The following MEI4 variants were observed in gnomAD, a reference collection of about 807,000 sequenced individuals.
MEI4 encodes meiosis-specific protein MEI4.
MEI4 carries 27 observed loss-of-function variants against 31.4 expected under a neutral mutation model. The observed-to-expected ratio is 0.86, with a 90% CI of 0.63 to 1.19. The LOEUF is 1.19. Among genes scored for constraint, MEI4 ranks in the 50% most tolerant of loss-of-function variants. The pLI, the probability that MEI4 is intolerant of heterozygous loss-of-function variation, is 0.00. For missense variants in MEI4, 329 were observed against 398.9 expected (o/e 0.82, Z 1.49); for synonymous variants, 122 against 145.4 (o/e 0.84, Z 1.16).
At chr6:77,800,291 CTGTT>C (rs1376864110) in intron 3 of MEI4, among the ~76,000 whole-genome samples, 3 of 152,006 alleles carry the variant, frequency 2.0e-5, no homozygotes, top group South Asian at 2.1e-4. Flanking sequence ...ATTCGGCTCT[CTGTT>C]TGTCTGTTCT....
At chr6:77,728,606 G>C (rs188424112) in intron 2 of MEI4, among the ~76,000 whole-genome samples, 1 of 152,318 alleles carries the variant, frequency 6.6e-6, no homozygotes, top group Admixed American at 6.5e-5. Context: ...TGAAGTGATG[G>C]AGTACCTGGA....
chr6:77,863,469 A>T (rs1770928113), intron 4 of MEI4, among the ~76,000 whole-genome samples: 1 of 152,112 alleles, frequency 6.6e-6, no homozygotes, highest in Admixed American at 6.5e-5. Flanking sequence ...GATCAACTGG[A>T]AGAAAGGGTA....
At chr6:77,692,563 A>T (rs1769177342) in intron 2 of MEI4, among the ~76,000 whole-genome samples, 1 of 152,062 alleles carries the variant, frequency 6.6e-6, no homozygotes. Flanking sequence ...GTTGAATTAG[A>T]TCTGTGATAG....
chr6:77,819,331 T>A (rs1769761518), intron 3 of MEI4, among the ~76,000 whole-genome samples: 1 of 152,172 alleles, frequency 6.6e-6, no homozygotes, highest in African/African-American at 2.4e-5. Flanking sequence ...TTTTTCTGAA[T>A]GATTTTTTTC....
chr6:77,712,481 A>G (rs1395461895), intron 2 of MEI4, among the ~76,000 whole-genome samples: 2 of 152,192 alleles, frequency 1.3e-5, no homozygotes, highest in African/African-American at 4.8e-5. Flanking sequence ...CACGTCTTGG[A>G]AATAAATAGA....
chr6:77,662,181 C>T (rs149844529), intron 1 of MEI4, among the ~76,000 whole-genome samples: 11 of 152,114 alleles, frequency 7.2e-5, no homozygotes, highest in East Asian at 5.8e-4. Context: ...GCAACTAGTT[C>T]GGCTTGCTGA....
intron 1 of MEI4, among the ~76,000 whole-genome samples, chr6:77,671,266 G>T (rs1220541543): frequency 3.3e-5 from 5 of 151,884 alleles, no homozygotes; most frequent in African/African-American, 1.2e-4. Context: ...CACCATGTTG[G>T]CCAGGCTGGT....
chr6:77,704,540 A>C (rs79509505), intron 2 of MEI4, among the ~76,000 whole-genome samples: 1,803 of 152,302 alleles, frequency 0.012, 41 homozygotes, highest in African/African-American at 0.041. Context: ...AAGCTGCATG[A>C]GCATCAGGTG....
At chr6:77,677,059 A>G (rs926785235) in intron 1 of MEI4, among the ~76,000 whole-genome samples, 2 of 152,214 alleles carry the variant, frequency 1.3e-5, no homozygotes, top group African/African-American at 4.8e-5. Flanking sequence ...ATGTGGGCTT[A>G]TGGTTAAGAT....
At chr6:77,697,585 G>T (rs1414845759) in intron 2 of MEI4, among the ~76,000 whole-genome samples, 1 of 152,214 alleles carries the variant, frequency 6.6e-6, no homozygotes, top group Non-Finnish European at 1.5e-5. Flanking sequence ...TTTTGAGTGA[G>T]TTTCTTAATC....
intron 3 of MEI4, among the ~76,000 whole-genome samples, chr6:77,804,276 G>C (rs1487586798): frequency 2.6e-5 from 4 of 152,194 alleles, no homozygotes; most frequent in Non-Finnish European, 4.4e-5. Context: ...TAATCTCCTG[G>C]TGTGCCATTT....
At chr6:77,680,097 C>T (rs1273946061) in intron 1 of MEI4, among the ~76,000 whole-genome samples, 1 of 40,078 alleles carries the variant, frequency 2.5e-5, no homozygotes, top group Non-Finnish European at 5.1e-5. Flanking sequence ...CGGTGAAACC[C>T]CGTCCCTACT....
intron 1 of MEI4, among the ~76,000 whole-genome samples, chr6:77,674,874 A>G (rs1319481608): frequency 6.6e-6 from 1 of 152,166 alleles, no homozygotes; most frequent in Non-Finnish European, 1.5e-5. Context: ...CTTTGTCTAC[A>G]TATGGATATG....
intron 2 of MEI4, among the ~76,000 whole-genome samples, chr6:77,744,276 G>A (rs1285008964): frequency 2.0e-5 from 3 of 152,116 alleles, no homozygotes; most frequent in African/African-American, 7.2e-5. Flanking sequence ...GTACTTAAAG[G>A]AGCTGATGGA....
At chr6:77,734,754 A>T (rs1035182127) in intron 2 of MEI4, among the ~76,000 whole-genome samples, 1 of 151,610 alleles carries the variant, frequency 6.6e-6, no homozygotes, top group Non-Finnish European at 1.5e-5. Flanking sequence ...TTTTGGCATG[A>T]TTTTGCAGTG....
At chr6:77,690,069 A>T (rs117520776) in intron 1 of MEI4, among the ~76,000 whole-genome samples, 2 of 152,178 alleles carry the variant, frequency 1.3e-5, no homozygotes, top group Non-Finnish European at 2.9e-5. Context: ...GAATCAGAGT[A>T]GACTCGCAAC....
At chr6:77,912,044 A>G (rs906195284) in intron 4 of MEI4, among the ~76,000 whole-genome samples, 1 of 151,960 alleles carries the variant, frequency 6.6e-6, no homozygotes, top group Admixed American at 6.6e-5. Flanking sequence ...TCTTCCACAT[A>G]TGGATATACA....
intron 1 of MEI4, among the ~76,000 whole-genome samples, chr6:77,680,774 C>T (rs1439660411): frequency 6.6e-6 from 1 of 151,942 alleles, no homozygotes; most frequent in Non-Finnish European, 1.5e-5. Context: ...AAAATGGAGC[C>T]CTGAGAGAAG....
chr6:77,797,120 G>GA (rs1440872995), intron 3 of MEI4, among the ~76,000 whole-genome samples: 1 of 152,132 alleles, frequency 6.6e-6, no homozygotes, highest in African/African-American at 2.4e-5. Context: ...ACGGTGTTGG[G>GA]AAAATTGGAT....
Sources: allele counts gnomAD v4.1 joint callset (sites outside exome capture counted in the v4.1 genomes callset), GRCh38; gene constraint gnomAD v4.1.1; transcripts MANE v1.5; gene names NCBI Gene and HGNC (gene_info 2026-07-23, HGNC 2026-07-21).